Variants in FOCAD observed in about 807,000 individuals in gnomAD.
FOCAD encodes the protein KIAA1797.
In FOCAD, 198 loss-of-function variants were observed where a neutral mutation model predicts 225.6. The ratio of observed to expected loss-of-function variants is 0.88; its 90% CI spans 0.78 to 0.99. The LOEUF (loss-of-function observed/expected upper bound fraction) is 0.99, where lower values mean the gene tolerates loss of function less well. Ranked by LOEUF, FOCAD falls within the 50% of genes least tolerant of loss-of-function variation. FOCAD has a pLI of 0.00. For missense variants in FOCAD, 2,713 were observed against 2,123.6 expected (o/e 1.28, Z -5.46); for synonymous variants, 897 against 755.0 (o/e 1.19, Z -3.08).
At chr9:20,978,299 G>A (rs1263034358) in intron 36 of FOCAD, 40 bp from the exon 37 acceptor site, 3 of 1,349,130 alleles carry the variant, frequency 2.2e-6, no homozygotes, top group East Asian at 2.5e-5. Flanking sequence ...AGTCAGGAAA[G>A]TAACTATATA....
Position 20,866,917 on chromosome 9 carries a change from T to TTTTTTAACAA in FOCAD, c.2107-12_2107-11insTTTTTAACAA. On this transcript the variant is annotated splice_polypyrimidine_tract_variant and intron_variant, in intron 17 of 43. Transcript: ENST00000338382. ...TTTTTTTTTTTTTTTTTTTTTTTTT[T>TTTTTTAACAA]ACCCTATCTAGGACCCAATTGTAGC... 1.3e-6 allele frequency: 1 copy of TTTTTTAACAA among 764,970 alleles called. No individual in the cohort carries two copies. The highest frequency in any genetic ancestry group is 2.0e-6 in the Non-Finnish European group (1 of 498,466). The allele number at this position is 764,970 out of a possible 1,614,324, so 47.4% of individuals were successfully genotyped here.
At position 20,937,401 on chromosome 9, in the gene FOCAD, A is replaced by G. The variant is rs149406806; in HGVS notation, c.3407+4298A>G. ...CAGAGATATAGACCAATGGAGCAGA[A>G]CAGAGCTCTCAGAAATAATGCCACA... On this transcript the variant is annotated intron_variant, in intron 28 of 43. Coordinates refer to ENST00000338382, the MANE Select transcript of FOCAD (RefSeq NM_001375567.1). Among the ~76,000 whole-genome samples the G allele has an allele frequency of 2.2e-3, 336 of 152,326 alleles. 10 individuals are homozygous for G. The East Asian group carries it at 0.043, about 20-fold the overall frequency.
intron 11 of FOCAD, among the ~76,000 whole-genome samples, chr9:20,794,922 T>G (rs1194513434): frequency 6.6e-6 from 1 of 152,176 alleles, no homozygotes; most frequent in African/African-American, 2.4e-5. Flanking sequence ...AATTTTTTTC[T>G]TACTCTCAAG....
chr9:20,981,730 G>T, intron 38 of FOCAD, 44 bp downstream of exon 38: 2 of 1,572,942 alleles, frequency 1.3e-6, no homozygotes, highest in Non-Finnish European at 1.7e-6. Context: ...TTATGTTTGG[G>T]ATATTTTAAA....
At chr9:20,958,217 C>G (rs1838377604) in intron 35 of FOCAD, among the ~76,000 whole-genome samples, 1 of 152,076 alleles carries the variant, frequency 6.6e-6, no homozygotes, top group South Asian at 2.1e-4. Flanking sequence ...TAAATTCCTT[C>G]TTTTATAATG....
chr9:20,779,063 G>C (rs996330277), intron 9 of FOCAD, among the ~76,000 whole-genome samples: 2 of 152,146 alleles, frequency 1.3e-5, no homozygotes, highest in Non-Finnish European at 2.9e-5. Context: ...ACATTGTACA[G>C]CAAAATGGAA....
At chr9:20,910,243 G>A (rs1833325379) in intron 22 of FOCAD, among the ~76,000 whole-genome samples, 1 of 152,076 alleles carries the variant, frequency 6.6e-6, no homozygotes, top group Non-Finnish European at 1.5e-5. Flanking sequence ...GCCGTCTGCA[G>A]TCTTTATCTT....
At chr9:20,768,267 C>T (rs1432285710) in intron 7 of FOCAD, among the ~76,000 whole-genome samples, 1 of 150,660 alleles carries the variant, frequency 6.6e-6, no homozygotes, top group East Asian at 1.9e-4. Flanking sequence ...TGTGATGCCT[C>T]CAGCTTTGTT....
At position 20,715,367 on chromosome 9, in the gene FOCAD, T is replaced by A; in HGVS notation, c.14T>A (p.Ile5Asn). The A allele has an allele frequency of 6.5e-7, 1 of 1,529,034 alleles. No homozygotes were observed. Among genetic ancestry groups the A allele is most frequent in the Non-Finnish European group, 8.8e-7 (1 of 1,132,074 alleles). The allele number at this position is 1,529,034 out of a possible 1,614,324, so 94.7% of individuals were successfully genotyped here. A position where few individuals can be genotyped will look rare whatever the true frequency, so the allele number is the denominator to read the frequency against. The part of the protein sequence containing the change: MSDD[I>N]RKRFEFPNSL... ...AGAGAAGCAAAAATGTCAGATGATA[T>A]CAGGAAAAGGTTTGAATTTCCAAAT... The change falls in exon 2 of 44, where the codon ATC becomes AAC. Residue 5 changes from isoleucine (I) to asparagine (N), a missense_variant. Ile to Asn is a moderately radical substitution (Grantham distance 149, BLOSUM62 -3). Coordinates refer to ENST00000338382, the MANE Select transcript of FOCAD (RefSeq NM_001375567.1).
Position 20,820,995 on chromosome 9 carries a change from C to T in FOCAD, c.1717C>T (p.Leu573Phe). ...CATGGCTGTGTCTGATGTACCTTCT[C>T]TTTCGGTGGGCAAGGAAGTCCAATG... ...RFMAVSDVPS[L>F]SVGKEVQWEK... is the part of the protein sequence containing the mutation. Residue 573 changes from leucine (L) to phenylalanine (F), a missense_variant, in exon 14 of 44, where the codon CTT (leucine) becomes TTT (phenylalanine). Leu to Phe is a conservative substitution (Grantham distance 22, BLOSUM62 0). Coordinates refer to ENST00000338382, the MANE Select transcript of FOCAD (RefSeq NM_001375567.1). 3 of 1,612,796 alleles carry T rather than the reference C, an allele frequency of 1.9e-6. No homozygotes were observed. Among genetic ancestry groups the T allele is most frequent in the Non-Finnish European group, 2.5e-6 (3 of 1,179,162 alleles).
intron 34 of FOCAD, among the ~76,000 whole-genome samples, chr9:20,951,807 T>G (rs1837711436): frequency 6.6e-6 from 1 of 152,200 alleles, no homozygotes; most frequent in African/African-American, 2.4e-5. Flanking sequence ...ATCTGCTCCT[T>G]GCTCTTTATA....
At chr9:20,741,172 G>T (rs541411623) in intron 5 of FOCAD, among the ~76,000 whole-genome samples, 2 of 152,282 alleles carry the variant, frequency 1.3e-5, no homozygotes, top group South Asian at 4.1e-4. Flanking sequence ...ACAGGGAAAG[G>T]AAATCAGGTA....
At chr9:20,764,017 T>C (rs1239231192) in intron 6 of FOCAD, among the ~76,000 whole-genome samples, 1 of 152,198 alleles carries the variant, frequency 6.6e-6, no homozygotes, top group Non-Finnish European at 1.5e-5. Flanking sequence ...TATTATTTTT[T>C]ATTTCATAGG....
chr9:20,888,753 C>G (rs2131887988), intron 21 of FOCAD, among the ~76,000 whole-genome samples: 1 of 152,164 alleles, frequency 6.6e-6, no homozygotes, highest in Non-Finnish European at 1.5e-5. Context: ...GTGAATGAGT[C>G]TCATGAGATC....
intron 1 of FOCAD, among the ~76,000 whole-genome samples, chr9:20,686,140 C>A (rs1167298231): frequency 1.3e-5 from 2 of 152,266 alleles, no homozygotes; most frequent in South Asian, 2.1e-4. Context: ...AATATAACTT[C>A]TTAAAATTTT....
chr9:20,783,856 T>A (rs1308745777), intron 10 of FOCAD, among the ~76,000 whole-genome samples: 4 of 152,122 alleles, frequency 2.6e-5, no homozygotes, highest in Non-Finnish European at 5.9e-5. Flanking sequence ...TGAGTCAGAT[T>A]CCAGTCAGGA....
At position 20,946,781 on chromosome 9, in the gene FOCAD, T is replaced by C; in HGVS notation, c.3636T>C (p.Val1212=). Residue 1212 remains valine (V), a synonymous_variant, in exon 30 of 44, where the codon GTT becomes GTC. Transcript: ENST00000338382. ...TTGAGGCTACAGAGGCTGAGGATGTTATGAACAAGCTTCGACTGTTAGTGG... is the reference window on the plus strand; with the variant it reads ...TTGAGGCTACAGAGGCTGAGGATGTCATGAACAAGCTTCGACTGTTAGTGG... ...GIIEATEAED[V]MNKLRLLVEN... 1 of 1,613,880 alleles carries C rather than the reference T, an allele frequency of 6.2e-7. No homozygotes were observed. Among genetic ancestry groups the C allele is most frequent in the Non-Finnish European group, 8.5e-7 (1 of 1,179,800 alleles).
At chr9:20,885,280 G>T in intron 21 of FOCAD, 50 bp downstream of exon 21, 7 of 1,355,682 alleles carry the variant, frequency 5.2e-6, no homozygotes, top group Non-Finnish European at 6.7e-6. Context: ...CTCCCTTCAT[G>T]ATATGTTTAA....
chr9:20,938,923 A>T (rs554083282), intron 28 of FOCAD, among the ~76,000 whole-genome samples: 1 of 150,958 alleles, frequency 6.6e-6, no homozygotes, highest in African/African-American at 2.4e-5. Flanking sequence ...TAAAAATGAT[A>T]AAGATGGTAC....
Sources: allele counts gnomAD v4.1 joint callset (sites outside exome capture counted in the v4.1 genomes callset), GRCh38; gene constraint gnomAD v4.1.1; transcripts MANE v1.5; gene names NCBI Gene and HGNC (gene_info 2026-07-23, HGNC 2026-07-21).